Variants in CCSER2 observed in about 807,000 individuals in gnomAD.
CCSER2 encodes serine-rich coiled-coil domain-containing protein 2.
CCSER2 carries 46 observed loss-of-function variants against 92.3 expected under a neutral mutation model. That is an observed-to-expected ratio of 0.50 (90% CI 0.39 to 0.64). The LOEUF (loss-of-function observed/expected upper bound fraction) is 0.64, where lower values mean the gene tolerates loss of function less well. Among genes scored for constraint, CCSER2 ranks in the 30% least tolerant of loss-of-function variants. The pLI is 0.00. For missense variants in CCSER2, 1,244 were observed against 1,238.9 expected (o/e 1.00, Z -0.06); for synonymous variants, 433 against 431.4 (o/e 1.00, Z -0.04).
chr10:84,333,432 G>A, intron 1 of CCSER2, among the ~76,000 whole-genome samples: 1 of 152,148 alleles, frequency 6.6e-6, no homozygotes, highest in East Asian at 1.9e-4. Context: ...ACTGTGACCT[G>A]CCAAGGATAA....
intron 1 of CCSER2, among the ~76,000 whole-genome samples, chr10:84,361,875 G>A (rs1339655348): frequency 2.0e-5 from 3 of 152,102 alleles, no homozygotes; most frequent in African/African-American, 7.2e-5. Context: ...CCCGACCTCA[G>A]GTGATCCGCC....
chr10:84,394,633 T>C (rs766018222), intron 3 of CCSER2, among the ~76,000 whole-genome samples: 19 of 151,938 alleles, frequency 1.3e-4, no homozygotes, highest in Non-Finnish European at 2.6e-4. Context: ...AGAGGGTAGT[T>C]AGAAATGACC....
chr10:84,411,103 A>G (rs1277226976), intron 3 of CCSER2, among the ~76,000 whole-genome samples: 5 of 152,062 alleles, frequency 3.3e-5, no homozygotes, highest in Admixed American at 6.6e-5. Context: ...TGAGTTCTCT[A>G]TTCTGCTCCG....
intron 9 of CCSER2, among the ~76,000 whole-genome samples, chr10:84,509,700 C>T (rs1304595374): frequency 1.3e-5 from 2 of 152,120 alleles, no homozygotes; most frequent in East Asian, 3.9e-4. Context: ...CCAAGCCCTC[C>T]ACAAGTTTCA....
At chr10:84,401,788 T>C (rs1361903421) in intron 3 of CCSER2, among the ~76,000 whole-genome samples, 1 of 152,196 alleles carries the variant, frequency 6.6e-6, no homozygotes, top group Non-Finnish European at 1.5e-5. Flanking sequence ...TGCTTGTAAT[T>C]TTATGTGGCT....
At chr10:84,360,835 C>A (rs1214005576) in intron 1 of CCSER2, among the ~76,000 whole-genome samples, 1 of 152,242 alleles carries the variant, frequency 6.6e-6, no homozygotes, top group Non-Finnish European at 1.5e-5. Context: ...CTGATACACA[C>A]AAGCACTGTG....
intron 3 of CCSER2, among the ~76,000 whole-genome samples, chr10:84,408,626 C>T (rs1842487567): frequency 6.6e-6 from 1 of 152,160 alleles, no homozygotes; most frequent in Non-Finnish European, 1.5e-5. Flanking sequence ...TACAGAAAAT[C>T]ACATAAAATG....
intron 4 of CCSER2, among the ~76,000 whole-genome samples, chr10:84,422,646 T>A (rs150985170): frequency 1.3e-5 from 2 of 152,326 alleles, no homozygotes; most frequent in African/African-American, 4.8e-5. Context: ...TACCTTGAAG[T>A]TCACCAGTTT....
chr10:84,467,014 A>G (rs1482031166), intron 7 of CCSER2, among the ~76,000 whole-genome samples: 1 of 152,018 alleles, frequency 6.6e-6, no homozygotes, highest in Non-Finnish European at 1.5e-5. Context: ...CTTTCTTGTC[A>G]TTATTTGTTT....
At chr10:84,345,295 G>C (rs1260717790) in intron 1 of CCSER2, among the ~76,000 whole-genome samples, 1 of 152,144 alleles carries the variant, frequency 6.6e-6, no homozygotes, top group Non-Finnish European at 1.5e-5. Flanking sequence ...AGGGAACTAG[G>C]AGAATTGACA....
At chr10:84,411,785 T>A (rs1382945177) in intron 3 of CCSER2, among the ~76,000 whole-genome samples, 1 of 152,200 alleles carries the variant, frequency 6.6e-6, no homozygotes, top group Non-Finnish European at 1.5e-5. Context: ...CTCTTCCTAT[T>A]TGAATACCTT....
intron 6 of CCSER2, among the ~76,000 whole-genome samples, chr10:84,440,049 G>A (rs1322545690): frequency 6.6e-6 from 1 of 152,110 alleles, no homozygotes; most frequent in Non-Finnish European, 1.5e-5. Context: ...GAATCATGAA[G>A]CATGACTAAA....
intron 3 of CCSER2, among the ~76,000 whole-genome samples, chr10:84,394,660 G>A (rs1243304847): frequency 6.6e-6 from 1 of 151,906 alleles, no homozygotes; most frequent in Non-Finnish European, 1.5e-5. Context: ...AAATAAGATG[G>A]TGGAAAGGAA....
In CCSER2 at chr10:84,472,782, TA is replaced by T. The variant is rs889308919; in HGVS notation, c.2235+2331del. Among the ~76,000 whole-genome samples the T allele has an allele frequency of 2.0e-4, 31 of 152,252 alleles. No individual in the cohort carries two copies. The East Asian group carries it at 5.2e-3, about 26-fold the overall frequency. Reference sequence around the variant, plus strand: ...TTCTTTTAACCTCAGAATGTATCTTTAAAAAAATAAGAACAGGTCTCTTCAT... The same window carrying T: ...TTCTTTTAACCTCAGAATGTATCTTTAAAAAATAAGAACAGGTCTCTTCAT... On this transcript the variant is annotated intron_variant, in intron 8 of 9. Coordinates refer to ENST00000372088, the MANE Select transcript of CCSER2 (RefSeq NM_001284240.2).
chr10:84,443,047 G>A (rs1844672384), intron 6 of CCSER2, among the ~76,000 whole-genome samples: 1 of 152,114 alleles, frequency 6.6e-6, no homozygotes, highest in Non-Finnish European at 1.5e-5. Flanking sequence ...AAAAACTCTA[G>A]AAGAAAACCT....
chr10:84,474,662 C>CAAAAAAAAAAAAAA (rs397844899), intron 8 of CCSER2, among the ~76,000 whole-genome samples: 1 of 65,856 alleles, frequency 1.5e-5, no homozygotes, highest in Non-Finnish European at 2.9e-5. Flanking sequence ...GACTCCATCT[C>CAAAAAAAAAAAAAA]AAAAAAAAAA....
intron 1 of CCSER2, among the ~76,000 whole-genome samples, chr10:84,363,837 T>C (rs753758331): frequency 5.3e-5 from 8 of 152,198 alleles, no homozygotes; most frequent in African/African-American, 1.2e-4. Context: ...GGGGATCTGT[T>C]CTGAGAAATG....
At chr10:84,426,877 G>A (rs1439265287) in intron 5 of CCSER2, among the ~76,000 whole-genome samples, 1 of 152,106 alleles carries the variant, frequency 6.6e-6, no homozygotes, top group Admixed American at 6.5e-5. Flanking sequence ...GAAAAGTTAA[G>A]CAACATTTTC....
rs1324199134 is a variant in CCSER2, at chr10:84,513,771, T to G, written c.2648T>G (p.Phe883Cys). The change falls in exon 10 of 10, where the codon TTT (phenylalanine) becomes TGT (cysteine). Residue 883 changes from phenylalanine to cysteine, a missense_variant. Physicochemically the swap from Phe to Cys is radical, Grantham distance 205. Transcript: ENST00000372088. ...LANNQISDMQ[F>C]IPTSLQTPPE... ...AACAATCAAATTAGTGACATGCAGT[T>G]TATACCCACTTCTCTTCAGACACCT... 4 of 1,536,696 alleles carry G rather than the reference T, an allele frequency of 2.6e-6. No homozygotes were observed. In the Admixed American group the frequency reaches 7.8e-5, roughly 30 times the overall value.
Sources: allele counts gnomAD v4.1 joint callset (sites outside exome capture counted in the v4.1 genomes callset), GRCh38; gene constraint gnomAD v4.1.1; transcripts MANE v1.5; gene names NCBI Gene and HGNC (gene_info 2026-07-23, HGNC 2026-07-21).